The following COL21A1 variants were observed in gnomAD, a reference collection of about 807,000 sequenced individuals.
COL21A1 encodes the protein collagen alpha-1(XXI) chain.
COL21A1 carries 149 observed loss-of-function variants against 137.9 expected under a neutral mutation model. The ratio of observed to expected loss-of-function variants is 1.08; its 90% CI spans 0.95 to 1.24. COL21A1 has a LOEUF of 1.24. COL21A1 is among the 50% of genes most tolerant of loss of function. COL21A1 has a pLI of 0.00. For missense variants in COL21A1, 1,167 were observed against 1,158.4 expected (o/e 1.01, Z -0.11); for synonymous variants, 456 against 391.5 (o/e 1.16, Z -1.95).
At chr6:56,300,668 C>A (rs1391566672) in intron 1 of COL21A1, among the ~76,000 whole-genome samples, 2 of 152,144 alleles carry the variant, frequency 1.3e-5, no homozygotes, top group Non-Finnish European at 2.9e-5. Flanking sequence ...AAGAACCATA[C>A]AAACAGGCTT....
chr6:56,386,612 GTTATA>G lies in COL21A1; in HGVS notation c.-39+7354_-39+7358del, dbSNP rs148025944. ...ACTTGTTGTTGTTGTTTTTTTTTAA[GTTATA>G]TTATAGCTAGCCTAAGGGGTGTGAA... is the stretch of plus-strand genomic sequence containing the variant. On this transcript the variant is annotated intron_variant, in intron 1 of 28. Transcript: ENST00000370819. 3.4e-3 allele frequency among the ~76,000 whole-genome samples: 513 copies of G among 151,868 alleles called. 2 individuals carry two copies. Among genetic ancestry groups the G allele is most frequent in the African/African-American group, 0.012 (492 of 41,420 alleles).
At chr6:56,171,160 TC>T in intron 3 of COL21A1, 32 bp from the exon 4 acceptor site, 1 of 1,509,490 alleles carries the variant, frequency 6.6e-7, no homozygotes, top group Non-Finnish European at 8.9e-7. Flanking sequence ...AGTTGGTTAA[TC>T]ATGGACTATT....
At chr6:56,384,672 T>C (rs1469091834) in intron 1 of COL21A1, among the ~76,000 whole-genome samples, 1 of 152,172 alleles carries the variant, frequency 6.6e-6, no homozygotes, top group Non-Finnish European at 1.5e-5. Flanking sequence ...TCTGATAATA[T>C]TACAGGGCAA....
chr6:56,167,450 C>T (rs866250236), intron 6 of COL21A1, among the ~76,000 whole-genome samples: 1 of 152,178 alleles, frequency 6.6e-6, no homozygotes, highest in Non-Finnish European at 1.5e-5. Flanking sequence ...TAAATATTTA[C>T]TACAATTTGA....
At chr6:56,333,047 A>C (rs1011554940) in intron 1 of COL21A1, among the ~76,000 whole-genome samples, 3 of 152,010 alleles carry the variant, frequency 2.0e-5, no homozygotes, top group African/African-American at 7.2e-5. Flanking sequence ...TCCTGCACTT[A>C]TGCTTCAGAA....
chr6:56,105,763 A>G (rs2841006), intron 16 of COL21A1, among the ~76,000 whole-genome samples: 111,773 of 152,158 alleles, frequency 0.73, 41,557 homozygotes, highest in East Asian at 0.87. Context: ...ATGAGAAAAT[A>G]CATGTACAGT....
intron 1 of COL21A1, among the ~76,000 whole-genome samples, chr6:56,392,886 G>A (rs2094032485): frequency 6.6e-6 from 1 of 151,998 alleles, no homozygotes; most frequent in South Asian, 2.1e-4. Context: ...TGTTCATAGA[G>A]AAGAAGAATC....
At chr6:56,285,479 G>A (rs1212307825) in intron 1 of COL21A1, among the ~76,000 whole-genome samples, 1 of 152,012 alleles carries the variant, frequency 6.6e-6, no homozygotes. Flanking sequence ...AACAAAAATT[G>A]GTTTTCTTCT....
At chr6:56,318,025 C>T (rs1764780055) in intron 1 of COL21A1, among the ~76,000 whole-genome samples, 1 of 152,082 alleles carries the variant, frequency 6.6e-6, no homozygotes, top group Non-Finnish European at 1.5e-5. Flanking sequence ...CATTAAGTAC[C>T]ATGTGCAAAA....
At chr6:56,129,463 G>C (rs1472294982) in intron 12 of COL21A1, among the ~76,000 whole-genome samples, 1 of 152,118 alleles carries the variant, frequency 6.6e-6, no homozygotes, top group African/African-American at 2.4e-5. Context: ...AATTATATGA[G>C]AAAAATAAAC....
intron 1 of COL21A1, among the ~76,000 whole-genome samples, chr6:56,280,274 T>A (rs1445586342): frequency 1.3e-5 from 2 of 152,198 alleles, no homozygotes; most frequent in East Asian, 1.9e-4. Flanking sequence ...ATTGACTAAG[T>A]CCTGAACTAT....
chr6:56,251,495 C>A (rs1782851727), upstream of COL21A1, among the ~76,000 whole-genome samples: 1 of 152,112 alleles, frequency 6.6e-6, no homozygotes, highest in East Asian at 1.9e-4. Flanking sequence ...GTTATTTATT[C>A]CAGGCACCAG....
At chr6:56,269,464 G>T (rs1169699750) in intron 1 of COL21A1, among the ~76,000 whole-genome samples, 2 of 151,666 alleles carry the variant, frequency 1.3e-5, no homozygotes, top group African/African-American at 4.8e-5. Flanking sequence ...GACCATCCCG[G>T]CTAAAACGGT....
At chr6:56,098,898 G>A (rs1435104958) in intron 17 of COL21A1, among the ~76,000 whole-genome samples, 1 of 149,172 alleles carries the variant, frequency 6.7e-6, no homozygotes, top group African/African-American at 2.5e-5. Context: ...TGTATTTTTA[G>A]TAGAGACGGG....
At chr6:56,309,289 C>T (rs6924236) in intron 1 of COL21A1, among the ~76,000 whole-genome samples, 127,850 of 152,074 alleles carry the variant, frequency 0.84, 55,825 homozygotes, top group South Asian at 0.97. Flanking sequence ...CTGCCCGCCT[C>T]GGCCTCCCAA....
At chr6:56,131,901 C>T (rs944681560) in intron 12 of COL21A1, among the ~76,000 whole-genome samples, 1 of 151,974 alleles carries the variant, frequency 6.6e-6, no homozygotes, top group African/African-American at 2.4e-5. Context: ...CCTGTATTTG[C>T]ACTATTTTTA....
intron 1 of COL21A1, among the ~76,000 whole-genome samples, chr6:56,186,076 T>C (rs965539839): frequency 6.6e-6 from 1 of 152,124 alleles, no homozygotes; most frequent in African/African-American, 2.4e-5. Context: ...TTTTCCATTA[T>C]TCTTTATGAA....
intron 1 of COL21A1, among the ~76,000 whole-genome samples, chr6:56,291,378 A>G (rs931875798): frequency 6.6e-6 from 1 of 152,218 alleles, no homozygotes; most frequent in Non-Finnish European, 1.5e-5. Flanking sequence ...GCAAACTGGA[A>G]GCTGCTACCA....
intron 1 of COL21A1, among the ~76,000 whole-genome samples, chr6:56,276,010 GTATA>G (rs1271396950): frequency 6.6e-6 from 1 of 152,158 alleles, no homozygotes; most frequent in Non-Finnish European, 1.5e-5. Flanking sequence ...ATCAAATGTG[GTATA>G]TACACACCAC....
Sources: allele counts gnomAD v4.1 joint callset (sites outside exome capture counted in the v4.1 genomes callset), GRCh38; gene constraint gnomAD v4.1.1; transcripts MANE v1.5; gene names NCBI Gene and HGNC (gene_info 2026-07-23, HGNC 2026-07-21).